The following SIK3 variants were observed in gnomAD, a reference collection of about 807,000 sequenced individuals.
SIK3 encodes the protein serine/threonine-protein kinase SIK3.
SIK3 carries 28 observed loss-of-function variants against 144.2 expected under a neutral mutation model. The observed-to-expected ratio is 0.19, with a 90% CI of 0.14 to 0.27. SIK3 has a LOEUF of 0.27. SIK3 is among the 10% of genes least tolerant of loss of function. SIK3 has a pLI of 1.00. For missense variants in SIK3, 1,319 were observed against 1,776.0 expected (o/e 0.74, Z 4.62); for synonymous variants, 686 against 676.3 (o/e 1.01, Z -0.22).
intron 1 of SIK3, among the ~76,000 whole-genome samples, chr11:116,969,453 T>C (rs1949691164): frequency 6.6e-6 from 1 of 152,158 alleles, no homozygotes. Flanking sequence ...TGTTAATTGA[T>C]AATAATGTCA....
chr11:117,065,231 C>T (rs1004279639), intron 1 of SIK3, among the ~76,000 whole-genome samples: 1 of 151,428 alleles, frequency 6.6e-6, no homozygotes, highest in Non-Finnish European at 1.5e-5. Flanking sequence ...TAAAATGAGA[C>T]GTAGCTTGGT....
At chr11:117,006,763 CACTT>C (rs1357014617) in intron 1 of SIK3, among the ~76,000 whole-genome samples, 3 of 152,156 alleles carry the variant, frequency 2.0e-5, no homozygotes, top group African/African-American at 7.2e-5. Flanking sequence ...TGTCTAAACT[CACTT>C]ACCTAAGGAT....
intron 1 of SIK3, among the ~76,000 whole-genome samples, chr11:116,962,316 A>G (rs1266721582): frequency 1.3e-5 from 2 of 152,216 alleles, no homozygotes; most frequent in African/African-American, 2.4e-5. Context: ...ACAAGGGCTC[A>G]AATTCTTCCA....
chr11:116,876,133 G>A, intron 8 of SIK3, 120 bp downstream of exon 8: 1 of 1,494,776 alleles, frequency 6.7e-7, no homozygotes, highest in South Asian at 1.2e-5. Context: ...CCCAGGAAGG[G>A]GCAGAGGAAG....
At chr11:117,055,043 C>T (rs898609992) in intron 1 of SIK3, among the ~76,000 whole-genome samples, 1 of 152,146 alleles carries the variant, frequency 6.6e-6, no homozygotes, top group African/African-American at 2.4e-5. Flanking sequence ...AAAATAAGTT[C>T]ATTATCACCC....
chr11:117,036,055 C>T, intron 1 of SIK3: 2 of 1,146,936 alleles, frequency 1.7e-6, no homozygotes, highest in Non-Finnish European at 1.3e-6. Context: ...GAGGCATGTT[C>T]TCGTGTGGGT....
At chr11:117,052,476 A>G (rs1317202179) in intron 1 of SIK3, among the ~76,000 whole-genome samples, 1 of 152,190 alleles carries the variant, frequency 6.6e-6, no homozygotes, top group East Asian at 1.9e-4. Context: ...TAAAGAGTCT[A>G]TCTCCGGCAT....
chr11:116,972,528 A>G (rs952307544), intron 1 of SIK3, among the ~76,000 whole-genome samples: 1 of 152,110 alleles, frequency 6.6e-6, no homozygotes, highest in Non-Finnish European at 1.5e-5. Flanking sequence ...CTTGTACCCA[A>G]TATTTTTAAA....
chr11:117,095,183 ATGTG>A (rs542120850), intron 1 of SIK3, among the ~76,000 whole-genome samples: 2 of 112,930 alleles, frequency 1.8e-5, no homozygotes, highest in African/African-American at 7.3e-5. Flanking sequence ...GGAATGGGTC[ATGTG>A]TGTTTAAAAA....
In SIK3 at chr11:116,980,851, GA is replaced by G. The variant is rs374526878; in HGVS notation, c.274-23788del. Among the ~76,000 whole-genome samples the G allele has an allele frequency of 3.4e-3, 477 of 141,814 alleles. 8 individuals carry two copies. Among genetic ancestry groups the G allele is most frequent in the Admixed American group, 3.0e-3 (43 of 14,132 alleles). The allele number at this position is 141,814 out of a possible 152,430, so 93.0% of individuals were successfully genotyped here. A position where few individuals can be genotyped will look rare whatever the true frequency, so the allele number is the denominator to read the frequency against. On this transcript the variant is annotated intron_variant, in intron 1 of 24. Transcript: ENST00000445177. ...GGGCAACAGAGCAAGACCCTGTCTC[GA>G]AAAAAAAAAAGAAATAAAGAAAGAA...
intron 9 of SIK3, 54 bp from the exon 10 acceptor site, chr11:116,875,505 A>G (rs1326708061): frequency 3.8e-6 from 6 of 1,562,300 alleles, no homozygotes; most frequent in Non-Finnish European, 4.4e-6. Context: ...GAGAGAAATA[A>G]TGAGTCTTTC....
At chr11:117,022,477 A>G (rs1783432564) in intron 1 of SIK3, among the ~76,000 whole-genome samples, 1 of 152,212 alleles carries the variant, frequency 6.6e-6, no homozygotes, top group South Asian at 2.1e-4. Context: ...CTACATTTCA[A>G]CTTCTGTGTA....
At chr11:116,983,867 C>T (rs558609317) in intron 1 of SIK3, among the ~76,000 whole-genome samples, 34 of 152,050 alleles carry the variant, frequency 2.2e-4, no homozygotes, top group African/African-American at 8.0e-4. Flanking sequence ...AACTGCTTGA[C>T]CAGCCTGGGC....
Position 116,932,541 on chromosome 11 carries a change from T to C in SIK3, c.455-5161A>G, listed in dbSNP as rs550627728. Among the ~76,000 whole-genome samples, 252 of 152,298 alleles carry C rather than the reference T, an allele frequency of 1.7e-3. 5 individuals carry two copies. The South Asian group carries it at 0.049, about 30-fold the overall frequency. On this transcript the variant is annotated intron_variant, in intron 3 of 24. Transcript: ENST00000445177. ...AGTCATTACTGAGTACTCTCACATA[T>C]ATGCCTGCATGTGTAAACGGATCTT...
Position 116,862,315 on chromosome 11 carries a change from G to A in SIK3, c.2116C>T (p.Leu706=), listed in dbSNP as rs151280341. Residue 706 remains leucine (L), a synonymous_variant, in exon 17 of 25, where the codon CTG becomes TTG. Transcript: ENST00000445177. ...IKQLQQECEQ[L]QKMYGGQIDE... ...ATCTGCCCCCCGTACATCTTCTGCAGCTGCTCACACTCCTGAAGGGAAAGT... is the reference window on the plus strand; with the variant it reads ...ATCTGCCCCCCGTACATCTTCTGCAACTGCTCACACTCCTGAAGGGAAAGT... 1.8e-5 allele frequency: 29 copies of A among 1,614,044 alleles called. No homozygotes were observed. The highest frequency in any genetic ancestry group is 6.7e-5 in the Admixed American group (4 of 59,990).
At chr11:117,091,896 C>T (rs1487588631) in intron 1 of SIK3, among the ~76,000 whole-genome samples, 1 of 152,156 alleles carries the variant, frequency 6.6e-6, no homozygotes, top group Non-Finnish European at 1.5e-5. Flanking sequence ...GATCCTCCCG[C>T]CTCCACCTCC....
At chr11:117,027,865 G>C (rs1402633142) in intron 1 of SIK3, among the ~76,000 whole-genome samples, 27 of 152,138 alleles carry the variant, frequency 1.8e-4, no homozygotes, top group Admixed American at 1.8e-3. Flanking sequence ...GGTCAACAAT[G>C]GCAACCAAAT....
At chr11:116,936,138 A>T (rs760969676) in intron 3 of SIK3, among the ~76,000 whole-genome samples, 4 of 152,170 alleles carry the variant, frequency 2.6e-5, no homozygotes, top group Non-Finnish European at 5.9e-5. Context: ...AATTTGAAAG[A>T]TATCTAAATT....
chr11:117,091,079 C>T (rs1219168578), intron 1 of SIK3, among the ~76,000 whole-genome samples: 1 of 152,086 alleles, frequency 6.6e-6, no homozygotes, highest in Non-Finnish European at 1.5e-5. Flanking sequence ...CTCCAGCTCC[C>T]CCACTAACTA....
Sources: gnomAD v4.1 joint callset for allele counts (sites outside exome capture counted in the v4.1 genomes callset) on GRCh38, gnomAD v4.1.1 for gene constraint, MANE v1.5 for transcripts, NCBI Gene and HGNC (gene_info 2026-07-23, HGNC 2026-07-21) for gene names.